UNC5A: variants seen among roughly 807,000 people sequenced by gnomAD.
The protein encoded by UNC5A is unc-5 netrin receptor A, also known as netrin receptor UNC5A.
UNC5A carries 20 observed loss-of-function variants against 87.4 expected under a neutral mutation model. The ratio of observed to expected loss-of-function variants is 0.23; its 90% CI spans 0.16 to 0.33. The LOEUF (loss-of-function observed/expected upper bound fraction) is 0.33. Among genes scored for constraint, UNC5A ranks in the 10% least tolerant of loss-of-function variants. UNC5A has a pLI of 1.00. For synonymous variants in UNC5A, 438 were observed against 482.3 expected (o/e 0.91, Z 1.20); for missense variants, 844 against 1,133.4 (o/e 0.74, Z 3.67).
intron 1 of UNC5A, among the ~76,000 whole-genome samples, chr5:176,850,952 C>G (rs1430872609): frequency 6.7e-6 from 1 of 149,838 alleles, no homozygotes; most frequent in African/African-American, 2.5e-5. Flanking sequence ...CAGGACTTTC[C>G]AGTGCTCCCA....
At chr5:176,872,110 C>T (rs1276910926) in intron 6 of UNC5A, among the ~76,000 whole-genome samples, 1 of 113,590 alleles carries the variant, frequency 8.8e-6, no homozygotes, top group Non-Finnish European at 1.9e-5. Flanking sequence ...CCCACACTCA[C>T]CCCACACCAC....
intron 1 of UNC5A, among the ~76,000 whole-genome samples, chr5:176,820,872 C>T (rs1243705174): frequency 6.6e-6 from 1 of 152,236 alleles, no homozygotes; most frequent in East Asian, 1.9e-4. Context: ...TTTCTCTTGA[C>T]CTGGTTCTTT....
intron 1 of UNC5A, among the ~76,000 whole-genome samples, chr5:176,819,346 ACCC>A (rs2071815876): frequency 1.3e-5 from 2 of 152,098 alleles, no homozygotes; most frequent in Non-Finnish European, 2.9e-5. Context: ...AAATATTAGA[ACCC>A]AACTCACACT....
chr5:176,827,221 C>T lies in UNC5A; in HGVS notation c.70+16401C>T, dbSNP rs573383108. 9.0e-4 allele frequency among the ~76,000 whole-genome samples: 106 copies of T among 118,210 alleles called. No individual in the cohort carries two copies. The South Asian group carries it at 0.017, about 19-fold the overall frequency. The allele number at this position is 118,210 out of a possible 152,430, so 77.6% of individuals were successfully genotyped here. On this transcript the variant is annotated intron_variant, in intron 1 of 14. Coordinates refer to ENST00000329542, the MANE Select transcript of UNC5A (RefSeq NM_133369.3). ...TTTTTGAGACAGAGCCTTACTCTGT[C>T]GCCCAGGCTGGAGTGCAGTGGCACA...
intron 8 of UNC5A, among the ~76,000 whole-genome samples, chr5:176,876,124 C>T (rs1388803080): frequency 1.4e-4 from 22 of 152,254 alleles, no homozygotes; most frequent in Admixed American, 1.3e-3. Context: ...CTGTGGTTTT[C>T]CTTCGCCGTC....
At chr5:176,840,148 C>T (rs1013049990) in intron 1 of UNC5A, among the ~76,000 whole-genome samples, 4 of 152,304 alleles carry the variant, frequency 2.6e-5, no homozygotes, top group Middle Eastern at 3.4e-3. Context: ...TGAGCCACCG[C>T]GCCTGGCCTC....
intron 6 of UNC5A, 96 bp downstream of exon 6, chr5:176,870,630 A>G: frequency 7.3e-7 from 1 of 1,375,488 alleles, no homozygotes; most frequent in South Asian, 1.4e-5. Context: ...TTCTCCTGCC[A>G]AAGGCTGTAG....
intron 1 of UNC5A, among the ~76,000 whole-genome samples, chr5:176,852,782 C>G (rs1019936530): frequency 6.6e-6 from 1 of 152,220 alleles, no homozygotes; most frequent in East Asian, 1.9e-4. Flanking sequence ...CAGTGTCACA[C>G]TAAGTGTGGG....
At chr5:176,830,034 C>T (rs1368469146) in intron 1 of UNC5A, among the ~76,000 whole-genome samples, 1 of 151,958 alleles carries the variant, frequency 6.6e-6, no homozygotes, top group Non-Finnish European at 1.5e-5. Flanking sequence ...GCCACCATGC[C>T]CAGCTAATTT....
rs150219286 is a variant in UNC5A at position 176,875,409 on chromosome 5, G to A, written c.1378+843G>A. Among the ~76,000 whole-genome samples the A allele has an allele frequency of 0.019, 2,831 of 151,698 alleles. 45 individuals carry two copies. Among genetic ancestry groups the A allele is most frequent in the South Asian group, 0.043 (207 of 4,786 alleles). On this transcript the variant is annotated intron_variant, in intron 8 of 14. Coordinates refer to ENST00000329542, the MANE Select transcript of UNC5A (RefSeq NM_133369.3). The surrounding 1 kb of genome is among the most constrained non-coding windows in gnomAD (Gnocchi z 5.2). Reference sequence around the variant, plus strand: ...CCTGGCTTCCCCCAGTTCACGGATCGTCTAGTTGCTCAAGCCGGAAACTTG... The same window carrying A: ...CCTGGCTTCCCCCAGTTCACGGATCATCTAGTTGCTCAAGCCGGAAACTTG...
chr5:176,826,433 G>C (rs1756854730), intron 1 of UNC5A, among the ~76,000 whole-genome samples: 1 of 152,178 alleles, frequency 6.6e-6, no homozygotes, highest in South Asian at 2.1e-4. Context: ...AACAGTAACT[G>C]GTAAAATGAG....
chr5:176,852,164 T>C (rs896013653), intron 1 of UNC5A, among the ~76,000 whole-genome samples: 4 of 152,202 alleles, frequency 2.6e-5, no homozygotes, highest in African/African-American at 9.6e-5. Flanking sequence ...GCTCAGAGCC[T>C]GCCTACCGCC....
chr5:176,850,940 C>T (rs945773115), intron 1 of UNC5A, among the ~76,000 whole-genome samples: 2 of 151,870 alleles, frequency 1.3e-5, no homozygotes, highest in African/African-American at 4.8e-5. Flanking sequence ...TCCCAGTGCT[C>T]CCAGGACTTT....
chr5:176,867,067 C>T (rs900828522), intron 2 of UNC5A, among the ~76,000 whole-genome samples: 10 of 152,306 alleles, frequency 6.6e-5, no homozygotes, highest in Non-Finnish European at 1.0e-4. Flanking sequence ...GCTGGGCGGC[C>T]GCTCTTCCCG....
At chr5:176,843,094 G>C (rs1757316310) in intron 1 of UNC5A, among the ~76,000 whole-genome samples, 1 of 151,746 alleles carries the variant, frequency 6.6e-6, no homozygotes, top group African/African-American at 2.4e-5. Flanking sequence ...CCAGGAGGCA[G>C]TGGTTGCAGT....
chr5:176,868,513 G>A (rs1162368167), intron 3 of UNC5A, 48 bp from the exon 4 acceptor site: 1 of 1,548,320 alleles, frequency 6.5e-7, no homozygotes, highest in Non-Finnish European at 8.8e-7. Flanking sequence ...GCCAGGCTGA[G>A]CCTGTGCGAG....
At chr5:176,847,497 T>C (rs927150065) in intron 1 of UNC5A, among the ~76,000 whole-genome samples, 2 of 152,096 alleles carry the variant, frequency 1.3e-5, no homozygotes, top group African/African-American at 4.8e-5. Flanking sequence ...TAAAGTTCGT[T>C]TTAAGGGGAA....
At chr5:176,846,694 G>T (rs1162392932) in intron 1 of UNC5A, among the ~76,000 whole-genome samples, 5 of 152,184 alleles carry the variant, frequency 3.3e-5, no homozygotes, top group African/African-American at 1.2e-4. Flanking sequence ...CTCTAGAGAG[G>T]GGCCAGGCCT....
chr5:176,810,917 G>A lies in UNC5A; in HGVS notation c.70+97G>A. 2 of 1,095,266 alleles carry A rather than the reference G, an allele frequency of 1.8e-6. No individual in the cohort carries two copies. Among genetic ancestry groups the A allele is most frequent in the Non-Finnish European group, 2.3e-6 (2 of 885,738 alleles). 67.8% of individuals were successfully genotyped at this position (1,095,266 alleles called of 1,614,324 possible). On this transcript the variant is annotated intron_variant, in intron 1 of 14. Transcript: ENST00000329542. This position sits in a 1 kb window ranked among gnomAD's most constrained non-coding sequence, Gnocchi z 7.3. ...GTCCCTGACCAGCGCTGCCAGACCC[G>A]GCTGGGAGCCCCCCGAGGCCAAACT...
Sources: gnomAD v4.1 joint callset for allele counts (sites outside exome capture counted in the v4.1 genomes callset) on GRCh38, gnomAD v4.1.1 for gene constraint, Gnocchi (gnomAD v3.1) non-coding constraint, MANE v1.5 for transcripts, NCBI Gene and HGNC (gene_info 2026-07-23, HGNC 2026-07-21) for gene names.